DDI1: variants seen among roughly 807,000 people sequenced by gnomAD.
The protein encoded by DDI1 is DDI proteasomal shuttling factor 1.
A neutral mutation model predicts 7.2 loss-of-function variants in DDI1; 6 were observed. The observed-to-expected ratio is 0.83, with a 90% CI of 0.46 to 1.64. The LOEUF is 1.64. Among genes scored for constraint, DDI1 ranks in the 40% most tolerant of loss-of-function variants. The pLI, the probability that DDI1 is intolerant of heterozygous loss-of-function variation, is 0.01. For missense variants in DDI1, 502 were observed against 516.6 expected (o/e 0.97, Z 0.27); for synonymous variants, 221 against 201.7 (o/e 1.10, Z -0.81).
chr11:104,037,929 C>A lies in DDI1; in HGVS notation c.1107C>A (p.Cys369Ter). The change falls in exon 1 of 1, where the codon TGC becomes TGA. Residue 369 changes from cysteine (C) to a stop codon, truncating the protein, a stop_gained. Transcript: ENST00000302259. LOFTEE classifies it low-confidence loss of function (END_TRUNC). ...TTCCTGAGGGAGAGTTGCCCTTATG[C>A]TCTAGGATGGTAAGTGGGCAAGATG... The part of the protein sequence containing the change: ...YFLPEGELPL[C>*]SRMVSGQDES... 1 of 1,614,126 alleles carries A rather than the reference C, an allele frequency of 6.2e-7. No individual in the cohort carries two copies. Among genetic ancestry groups the A allele is most frequent in the Non-Finnish European group, 8.5e-7 (1 of 1,180,034 alleles).
At position 104,037,986 on chromosome 11, in the gene DDI1, C is replaced by T; in HGVS notation, c.1164C>T (p.Val388=). ...CGGACAAGGAAATTACACATTCAGTCATGGATTCAGGACGAAAAGAGCATT... is the reference window on the plus strand; with the variant it reads ...CGGACAAGGAAATTACACATTCAGTTATGGATTCAGGACGAAAAGAGCATT... ...ESSDKEITHS[V]MDSGRKEH is the part of the protein sequence containing the mutation. The change falls in exon 1 of 1, where the codon GTC becomes GTT. Residue 388 remains valine, a synonymous_variant. Transcript: ENST00000302259. 6.2e-7 allele frequency: 1 copy of T among 1,613,624 alleles called. No homozygotes were observed. The highest frequency in any genetic ancestry group is 8.5e-7 in the Non-Finnish European group (1 of 1,179,660).
In DDI1 at chr11:104,037,597, G is replaced by A; in HGVS notation, c.775G>A (p.Val259Ile). The part of the protein sequence containing the change: ...KVNGHPLKAF[V>I]DSGAQMTIMS... ...GAATGGGCATCCTTTGAAGGCTTTT[G>A]TTGACTCGGGCGCCCAGATGACCAT... Residue 259 changes from valine to isoleucine, a missense_variant, in exon 1 of 1, where the codon GTT (valine) becomes ATT (isoleucine). Val to Ile is a conservative substitution (Grantham distance 29, BLOSUM62 3). Coordinates refer to ENST00000302259, the MANE Select transcript of DDI1 (RefSeq NM_001001711.3). 1 of 1,614,148 alleles carries A rather than the reference G, an allele frequency of 6.2e-7. No homozygotes were observed. The highest frequency in any genetic ancestry group is 8.5e-7 in the Non-Finnish European group (1 of 1,180,034).
Position 104,036,988 on chromosome 11 carries a change from G to A in DDI1, c.166G>A (p.Glu56Lys), listed in dbSNP as rs114724610. The A allele has an allele frequency of 6.2e-7, 1 of 1,614,086 alleles. No individual in the cohort carries two copies. Among genetic ancestry groups the A allele is most frequent in the African/African-American group, 1.3e-5 (1 of 74,938 alleles). ...CATCCACATGGAGCGACTCCTCATCGAGGACCACTGTTCCCTGGGCTCCTA... is the reference window on the plus strand; with the variant it reads ...CATCCACATGGAGCGACTCCTCATCAAGGACCACTGTTCCCTGGGCTCCTA... ...QIIHMERLLI[E>K]DHCSLGSYGL... The change falls in exon 1 of 1, where the codon GAG (glutamate) becomes AAG (lysine). Residue 56 changes from glutamate (E) to lysine (K), a missense_variant. Transcript: ENST00000302259.
In DDI1 at chr11:104,036,781, C is replaced by T. The variant is rs367740055; in HGVS notation, c.-42C>T. 13 of 1,521,006 alleles carry T rather than the reference C, an allele frequency of 8.5e-6. No homozygotes were observed. The highest frequency in any genetic ancestry group is 4.1e-5 in the African/African-American group (3 of 72,524). The allele number at this position is 1,521,006 out of a possible 1,614,324, so 94.2% of individuals were successfully genotyped here. A position where few individuals can be genotyped will look rare whatever the true frequency, so the allele number is the denominator to read the frequency against. On this transcript the variant is annotated 5_prime_UTR_variant, in exon 1 of 1. Transcript: ENST00000302259. ...GGCCCGCCCCAGCCCGCCAGTGAGC[C>T]GCCCATGCCCTCTGCTAGCCCGGCC...
Position 104,038,132 on chromosome 11 carries a change from G to T in DDI1, c.*119G>T. The T allele has an allele frequency of 9.7e-7, 1 of 1,030,248 alleles. No homozygotes were observed. Among genetic ancestry groups the T allele is most frequent in the South Asian group, 1.7e-5 (1 of 57,744 alleles). The allele number at this position is 1,030,248 out of a possible 1,614,324, so 63.8% of individuals were successfully genotyped here. The stretch of plus-strand genomic sequence containing the variant: ...ATCAGTAACAACTAAACCTGGCCTT[G>T]GGACTACGTTCTCAGATGGGTAACT... On this transcript the variant is annotated 3_prime_UTR_variant, in exon 1 of 1. Coordinates refer to ENST00000302259, the MANE Select transcript of DDI1 (RefSeq NM_001001711.3).
At position 104,036,976 on chromosome 11, in the gene DDI1, C is replaced by A; in HGVS notation, c.154C>A (p.Arg52=). The change falls in exon 1 of 1, where the codon CGA becomes AGA. Residue 52 remains arginine (R), a synonymous_variant. Coordinates refer to ENST00000302259, the MANE Select transcript of DDI1 (RefSeq NM_001001711.3). The part of the protein sequence containing the change: ...VEEIQIIHME[R]LLIEDHCSLG... ...AGAGATCCAGATCATCCACATGGAG[C>A]GACTCCTCATCGAGGACCACTGTTC... is the stretch of plus-strand genomic sequence containing the variant. 1 of 1,614,226 alleles carries A rather than the reference C, an allele frequency of 6.2e-7. No homozygotes were observed. Among genetic ancestry groups the A allele is most frequent in the East Asian group, 2.2e-5 (1 of 44,882 alleles).
In DDI1 at chr11:104,036,997, T is replaced by G. The variant is rs1860250983; in HGVS notation, c.175T>G (p.Cys59Gly). The G allele has an allele frequency of 1.2e-6, 2 of 1,614,232 alleles. No individual in the cohort carries two copies. Among genetic ancestry groups the G allele is most frequent in the Non-Finnish European group, 1.7e-6 (2 of 1,180,026 alleles). Residue 59 changes from cysteine (C) to glycine (G), a missense_variant, in exon 1 of 1, where the codon TGT becomes GGT. Cys to Gly is a radical substitution (Grantham distance 159). Transcript: ENST00000302259. ...HMERLLIEDH[C>G]SLGSYGLKDG... ...GGAGCGACTCCTCATCGAGGACCAC[T>G]GTTCCCTGGGCTCCTACGGCCTCAA...
chr11:104,038,212 G>A lies in DDI1; in HGVS notation c.*199G>A, dbSNP rs1591133947. The A allele has an allele frequency of 1.7e-6, 1 of 599,700 alleles. No homozygotes were observed. Among genetic ancestry groups the A allele is most frequent in the South Asian group, 2.6e-5 (1 of 38,538 alleles). The allele number at this position is 599,700 out of a possible 1,614,324, so 37.1% of individuals were successfully genotyped here. A position where few individuals can be genotyped will look rare whatever the true frequency, so the allele number is the denominator to read the frequency against. ...CCCTCTTCCATTTCCCTTGTCCAGA[G>A]ATCACTGAAAGGCATCCTGGGAAGG... On this transcript the variant is annotated 3_prime_UTR_variant, in exon 1 of 1. Coordinates refer to ENST00000302259, the MANE Select transcript of DDI1 (RefSeq NM_001001711.3).
Position 104,037,556 on chromosome 11 carries a change from A to G in DDI1, c.734A>G (p.Tyr245Cys), listed in dbSNP as rs879260180. 4.3e-6 allele frequency: 7 copies of G among 1,613,982 alleles called. No individual in the cohort carries two copies. Among genetic ancestry groups the G allele is most frequent in the Non-Finnish European group, 5.1e-6 (6 of 1,180,028 alleles). Reference sequence around the variant, plus strand: ...AGTTTTGGACAAGTGACGATGCTCTACATTAACTGCAAAGTGAATGGGCAT... The same window carrying G: ...AGTTTTGGACAAGTGACGATGCTCTGCATTAACTGCAAAGTGAATGGGCAT... ...PESFGQVTML[Y>C]INCKVNGHPL... is the part of the protein sequence containing the mutation. Residue 245 changes from tyrosine to cysteine, a missense_variant, in exon 1 of 1, where the codon TAC becomes TGC. Physicochemically the swap from Tyr to Cys is radical, Grantham distance 194. Coordinates refer to ENST00000302259, the MANE Select transcript of DDI1 (RefSeq NM_001001711.3).
chr11:104,037,490 T>C lies in DDI1; in HGVS notation c.668T>C (p.Ile223Thr), dbSNP rs759978424. Reference protein sequence around the residue: ...KIEEEIRQQNIEENMNIAIEE... With the variant: ...KIEEEIRQQNTEENMNIAIEE... The stretch of plus-strand genomic sequence containing the variant: ...GAAGAGGAAATCCGGCAGCAAAACA[T>C]TGAAGAAAACATGAATATAGCGATA... Residue 223 changes from isoleucine to threonine, a missense_variant, in exon 1 of 1, where the codon ATT (isoleucine) becomes ACT (threonine). By Grantham distance (89) the Ile-to-Thr change is moderately conservative. Transcript: ENST00000302259. The C allele has an allele frequency of 3.4e-5, 55 of 1,613,760 alleles. No homozygotes were observed. The highest frequency in any genetic ancestry group is 4.6e-5 in the Non-Finnish European group (54 of 1,179,980).
rs148474807 is a variant in DDI1 at position 104,038,000 on chromosome 11, G to A, written c.1178G>A (p.Arg393Gln). Residue 393 changes from arginine to glutamine, a missense_variant, in exon 1 of 1, where the codon CGA becomes CAA. Coordinates refer to ENST00000302259, the MANE Select transcript of DDI1 (RefSeq NM_001001711.3). Reference sequence around the variant, plus strand: ...ACACATTCAGTCATGGATTCAGGACGAAAAGAGCATTAAAGCACGTTATAA... The same window carrying A: ...ACACATTCAGTCATGGATTCAGGACAAAAAGAGCATTAAAGCACGTTATAA... ...EITHSVMDSG[R>Q]KEH 1.5e-4 allele frequency: 238 copies of A among 1,612,578 alleles called. No homozygotes were observed. The African/African-American group carries it at 2.9e-3, about 20-fold the overall frequency.
At position 104,037,468 on chromosome 11, in the gene DDI1, G is replaced by T; in HGVS notation, c.646G>T (p.Glu216Ter). Residue 216 changes from glutamate (E) to a stop codon, truncating the protein, a stop_gained, in exon 1 of 1, where the codon GAG becomes TAG. Coordinates refer to ENST00000302259, the MANE Select transcript of DDI1 (RefSeq NM_001001711.3). LOFTEE classifies it high-confidence loss of function. ...LDREAQAKIE[E>*]EIRQQNIEEN... is the part of the protein sequence containing the mutation. ...TCGGGAAGCTCAGGCCAAAATAGAA[G>T]AGGAAATCCGGCAGCAAAACATTGA... 6.2e-7 allele frequency: 1 copy of T among 1,614,128 alleles called. No homozygotes were observed.
rs1860278236 is a variant in DDI1, at chr11:104,037,830, G to C, written c.1008G>C (p.Arg336=). The C allele has an allele frequency of 7.4e-6, 12 of 1,614,034 alleles. No homozygotes were observed. The highest frequency in any genetic ancestry group is 1.3e-5 in the African/African-American group (1 of 74,912). The change falls in exon 1 of 1, where the codon CGG becomes CGC. Residue 336 remains arginine (R), a synonymous_variant. Transcript: ENST00000302259. ...MDMLLGLDML[R]RHQCSIDLKK... is the part of the protein sequence containing the mutation. ...TGCTTCTAGGCCTAGATATGCTCCG[G>C]AGACATCAATGTTCCATCGATTTGA...
Position 104,036,761 on chromosome 11 carries a change from G to A in DDI1, c.-62G>A, listed in dbSNP as rs2134394419. 4.3e-6 allele frequency: 6 copies of A among 1,381,474 alleles called. No individual in the cohort carries two copies. Among genetic ancestry groups the A allele is most frequent in the Non-Finnish European group, 5.1e-6 (5 of 990,046 alleles). 85.6% of individuals were successfully genotyped at this position (1,381,474 alleles called of 1,614,324 possible). A position where few individuals can be genotyped will look rare whatever the true frequency, so the allele number is the denominator to read the frequency against. On this transcript the variant is annotated 5_prime_UTR_variant, in exon 1 of 1. Transcript: ENST00000302259. ...GCAGCGGCACCAACGACGCAGGCCCGCCCCAGCCCGCCAGTGAGCCGCCCA... is the reference window on the plus strand; with the variant it reads ...GCAGCGGCACCAACGACGCAGGCCCACCCCAGCCCGCCAGTGAGCCGCCCA...
At position 104,037,294 on chromosome 11, in the gene DDI1, T is replaced by A; in HGVS notation, c.472T>A (p.Ser158Thr). 1 of 1,613,540 alleles carries A rather than the reference T, an allele frequency of 6.2e-7. No homozygotes were observed. Reference protein sequence around the residue: ...SMLLSNPHDLSLLKERNPPLA... With the variant: ...SMLLSNPHDLTLLKERNPPLA... The stretch of plus-strand genomic sequence containing the variant: ...GCTGCTCTCCAACCCCCACGATCTG[T>A]CCCTGCTCAAGGAACGCAACCCTCC... The change falls in exon 1 of 1, where the codon TCC (serine) becomes ACC (threonine). Residue 158 changes from serine to threonine, a missense_variant. Physicochemically the swap from Ser to Thr is moderately conservative, Grantham distance 58. Transcript: ENST00000302259.
chr11:104,038,122 A>G lies in DDI1; in HGVS notation c.*109A>G. The G allele has an allele frequency of 8.5e-7, 1 of 1,174,726 alleles. No individual in the cohort carries two copies. The highest frequency in any genetic ancestry group is 1.2e-6 in the Non-Finnish European group (1 of 842,920). 72.8% of individuals were successfully genotyped at this position (1,174,726 alleles called of 1,614,324 possible). On this transcript the variant is annotated 3_prime_UTR_variant, in exon 1 of 1. Transcript: ENST00000302259. ...ATTAAAAAACATCAGTAACAACTAAACCTGGCCTTGGGACTACGTTCTCAG... is the reference window on the plus strand; with the variant it reads ...ATTAAAAAACATCAGTAACAACTAAGCCTGGCCTTGGGACTACGTTCTCAG...
rs764164419 is a variant in DDI1, at chr11:104,036,889, C to A, written c.67C>A (p.Pro23Thr). Residue 23 changes from proline to threonine, a missense_variant, in exon 1 of 1, where the codon CCC becomes ACC. Transcript: ENST00000302259. ...GGTCACCTTCTCTCTCCAGGTCAGC[C>A]CCGACTTTGAGCTCCGAAACTTCAA... is the stretch of plus-strand genomic sequence containing the variant. ...SEVTFSLQVS[P>T]DFELRNFKVL... 1 of 1,614,136 alleles carries A rather than the reference C, an allele frequency of 6.2e-7. No individual in the cohort carries two copies. Among genetic ancestry groups the A allele is most frequent in the Non-Finnish European group, 8.5e-7 (1 of 1,180,016 alleles).
In DDI1 at chr11:104,038,078, G is replaced by A; in HGVS notation, c.*65G>A. 1 of 1,458,160 alleles carries A rather than the reference G, an allele frequency of 6.9e-7. No homozygotes were observed. The highest frequency in any genetic ancestry group is 9.2e-7 in the Non-Finnish European group (1 of 1,081,746). The allele number at this position is 1,458,160 out of a possible 1,614,324, so 90.3% of individuals were successfully genotyped here. On this transcript the variant is annotated 3_prime_UTR_variant, in exon 1 of 1. Transcript: ENST00000302259. Reference sequence around the variant, plus strand: ...GGTCCCCGGCAATTATAAGTTAAGAGCTTACTGGCAATGTAATCATTAAAA... The same window carrying A: ...GGTCCCCGGCAATTATAAGTTAAGAACTTACTGGCAATGTAATCATTAAAA...
Position 104,037,588 on chromosome 11 carries a change from A to G in DDI1, c.766A>G (p.Lys256Glu), listed in dbSNP as rs900605948. The G allele has an allele frequency of 6.2e-7, 1 of 1,613,902 alleles. No homozygotes were observed. The highest frequency in any genetic ancestry group is 8.5e-7 in the Non-Finnish European group (1 of 1,180,012). Residue 256 changes from lysine (K) to glutamate (E), a missense_variant, in exon 1 of 1, where the codon AAG (lysine) becomes GAG (glutamate). Transcript: ENST00000302259. The stretch of plus-strand genomic sequence containing the variant: ...CTGCAAAGTGAATGGGCATCCTTTG[A>G]AGGCTTTTGTTGACTCGGGCGCCCA... ...INCKVNGHPL[K>E]AFVDSGAQMT... is the part of the protein sequence containing the mutation.
Sources: allele counts gnomAD v4.1 joint callset, GRCh38; gene constraint gnomAD v4.1.1; transcripts MANE v1.5; gene names NCBI Gene and HGNC (gene_info 2026-07-23, HGNC 2026-07-21).